Variants in TNFSF12 observed in about 807,000 individuals in gnomAD.
The protein encoded by TNFSF12 is TNF superfamily member 12.
TNFSF12 carries 16 observed loss-of-function variants against 31.2 expected under a neutral mutation model. The observed-to-expected ratio is 0.51, with a 90% CI of 0.35 to 0.78. The LOEUF (loss-of-function observed/expected upper bound fraction) is 0.78. Among genes scored for constraint, TNFSF12 ranks in the 30% least tolerant of loss-of-function variants. The pLI, the probability that TNFSF12 is intolerant of heterozygous loss-of-function variation, is 0.01. For missense variants in TNFSF12, 324 were observed against 338.8 expected (o/e 0.96, Z 0.34); for synonymous variants, 150 against 151.4 (o/e 0.99, Z 0.07).
intron 5 of TNFSF12, among the ~76,000 whole-genome samples, chr17:7,554,839 G>A (rs891726786): frequency 2.0e-5 from 3 of 150,970 alleles, no homozygotes; most frequent in Non-Finnish European, 1.5e-5. Flanking sequence ...GGAGCGTCTC[G>A]ATCTCCTGAC....
At position 7,556,835 on chromosome 17, in the gene TNFSF12, T is replaced by C; in HGVS notation, c.431T>C (p.Leu144Pro). 6.4e-7 allele frequency: 1 copy of C among 1,564,150 alleles called. No homozygotes were observed. The highest frequency in any genetic ancestry group is 8.7e-7 in the Non-Finnish European group (1 of 1,151,464). The change falls in exon 6 of 7, where the codon CTG becomes CCG. Residue 144 changes from leucine (L) to proline (P), a missense_variant. Coordinates refer to ENST00000293825, the MANE Select transcript of TNFSF12 (RefSeq NM_003809.3). The part of the protein sequence containing the change: ...EEARINSSSP[L>P]RYNRQIGEFI... ...GCCAGAATCAACAGCTCCAGCCCTC[T>C]GCGCTACAACCGCCAGATCGGGGAG...
chr17:7,553,649 C>T, intron 5 of TNFSF12: 1 of 1,304,136 alleles, frequency 7.7e-7, no homozygotes, highest in South Asian at 1.2e-5. Context: ...AGATTTGAAC[C>T]CAGCTAGAAT....
At chr17:7,555,583 G>A (rs923831354) in intron 5 of TNFSF12, among the ~76,000 whole-genome samples, 1 of 152,210 alleles carries the variant, frequency 6.6e-6, no homozygotes, top group Non-Finnish European at 1.5e-5. Context: ...GTGGCTTTGT[G>A]TAGGGAATAA....
chr17:7,551,095 A>G (rs1424010718), intron 5 of TNFSF12, 117 bp downstream of exon 5: 2 of 1,549,078 alleles, frequency 1.3e-6, no homozygotes, highest in Admixed American at 3.9e-5. Flanking sequence ...CCAGTTCATG[A>G]AGGTCTTGGT....
Position 7,550,990 on chromosome 17 carries a change from T to TC in TNFSF12, c.373+17dup. On this transcript the variant is annotated intron_variant, in intron 5 of 6. Coordinates refer to ENST00000293825, the MANE Select transcript of TNFSF12 (RefSeq NM_003809.3). This position sits in a 1 kb window ranked among gnomAD's most constrained non-coding sequence, Gnocchi z 4.4. ...CGGAGCGCAGGCAGGTGAGACCCCA[T>TC]CCCCCGACACAGCACTGGCCTCCTG... 1.9e-6 allele frequency: 3 copies of TC among 1,613,096 alleles called. No individual in the cohort carries two copies. The highest frequency in any genetic ancestry group is 2.5e-6 in the Non-Finnish European group (3 of 1,179,920).
chr17:7,553,023 C>CTTTTTTTTTTT (rs71159509), intron 5 of TNFSF12, among the ~76,000 whole-genome samples: 18 of 66,100 alleles, frequency 2.7e-4, no homozygotes, highest in African/African-American at 5.1e-4. Flanking sequence ...CAGGGACAAC[C>CTTTTTTTTTTT]TTTTTTTTTT....
Position 7,549,318 on chromosome 17 carries a change from G to A in TNFSF12, c.159+6G>A. 7.1e-7 allele frequency: 1 copy of A among 1,398,784 alleles called. No homozygotes were observed. The highest frequency in any genetic ancestry group is 9.3e-7 in the Non-Finnish European group (1 of 1,074,284). 86.6% of individuals were successfully genotyped at this position (1,398,784 alleles called of 1,614,324 possible). ...GGGCATCGCTGTCCGCCCAGGTGAGGCCCCGCTGCGCACCCCTTCTTGGGC... is the reference window on the plus strand; with the variant it reads ...GGGCATCGCTGTCCGCCCAGGTGAGACCCCGCTGCGCACCCCTTCTTGGGC... On this transcript the variant is annotated splice_donor_region_variant and intron_variant, in intron 1 of 6. Transcript: ENST00000293825. The surrounding 1 kb of genome is among the most constrained non-coding windows in gnomAD (Gnocchi z 4.1).
rs1287036423 is a variant in TNFSF12 at position 7,557,227 on chromosome 17, C to T, written c.627C>T (p.Leu209=). 2 of 1,612,386 alleles carry T rather than the reference C, an allele frequency of 1.2e-6. No individual in the cohort carries two copies. Among genetic ancestry groups the T allele is most frequent in the South Asian group, 1.1e-5 (1 of 91,020 alleles). The part of the protein sequence containing the change: ...AASSLGPQLR[L]CQVSGLLALR... ...GTTCCCTCGGGCCCCAGCTCCGCCT[C>T]TGCCAGGTGTCTGGGCTGTTGGCCC... The change falls in exon 7 of 7, where the codon CTC becomes CTT. Residue 209 remains leucine, a synonymous_variant. Transcript: ENST00000293825. This position sits in a 1 kb window ranked among gnomAD's most constrained non-coding sequence, Gnocchi z 5.2.
rs752750483 is a variant in TNFSF12, at chr17:7,557,387, G to A, written c.*37G>A. On this transcript the variant is annotated 3_prime_UTR_variant, in exon 7 of 7. Coordinates refer to ENST00000293825, the MANE Select transcript of TNFSF12 (RefSeq NM_003809.3). This position sits in a 1 kb window ranked among gnomAD's most constrained non-coding sequence, Gnocchi z 5.2. ...CTCCCCGCAGTCGTCCCAGGCTGCC[G>A]GCTCCCCTCGACAGCTCTCTGGGCA... is the stretch of plus-strand genomic sequence containing the variant. The A allele has an allele frequency of 5.5e-5, 85 of 1,545,180 alleles. No individual in the cohort carries two copies. Among genetic ancestry groups the A allele is most frequent in the East Asian group, 3.2e-4 (14 of 44,132 alleles).
rs1555564686 is a variant in TNFSF12, at chr17:7,555,973, G to GTTTTTTGTTT, written c.374-799_374-798insGTTTTTTTTT. On this transcript the variant is annotated intron_variant, in intron 5 of 6. Transcript: ENST00000293825. ...GTGGAAATAAAAATGCCCAGTGAGC[G>GTTTTTTGTTT]TTTTTTTTGTTTTTTTTTTTTTTTG... 2.3e-3 allele frequency among the ~76,000 whole-genome samples: 165 copies of GTTTTTTGTTT among 70,876 alleles called. 32 individuals are homozygous for GTTTTTTGTTT. Among genetic ancestry groups the GTTTTTTGTTT allele is most frequent in the East Asian group, 3.9e-3 (9 of 2,292 alleles). 46.5% of individuals were successfully genotyped at this position (70,876 alleles called of 152,430 possible).
intron 5 of TNFSF12, among the ~76,000 whole-genome samples, chr17:7,551,872 C>T (rs2071004834): frequency 6.6e-6 from 1 of 152,204 alleles, no homozygotes; most frequent in Non-Finnish European, 1.5e-5. Flanking sequence ...ACTGCAACCT[C>T]TGCCTCCCAG....
chr17:7,551,947 G>A (rs898116215), intron 5 of TNFSF12, among the ~76,000 whole-genome samples: 2 of 151,930 alleles, frequency 1.3e-5, no homozygotes, highest in African/African-American at 4.8e-5. Flanking sequence ...CACCACGCCT[G>A]GCTAATTTTT....
At position 7,556,947 on chromosome 17, in the gene TNFSF12, G is replaced by A. The variant is rs200696093; in HGVS notation, c.498+45G>A. ...ATGGGTAACGCAGTAAGAGAGTGGCGAAGGGTTTGCCAGGAGAGTGGGGGA... is the reference window on the plus strand; with the variant it reads ...ATGGGTAACGCAGTAAGAGAGTGGCAAAGGGTTTGCCAGGAGAGTGGGGGA... On this transcript the variant is annotated intron_variant, in intron 6 of 6. Transcript: ENST00000293825. 18 of 1,507,702 alleles carry A rather than the reference G, an allele frequency of 1.2e-5. No homozygotes were observed. In the South Asian group the frequency reaches 1.7e-4, roughly 14 times the overall value. 93.4% of individuals were successfully genotyped at this position (1,507,702 alleles called of 1,614,324 possible).
At position 7,557,510 on chromosome 17, in the gene TNFSF12, A is replaced by G. The variant is rs564685289; in HGVS notation, c.*160A>G. The G allele has an allele frequency of 5.4e-5, 53 of 981,404 alleles. 1 individual carries two copies. In the South Asian group the frequency reaches 9.0e-4, roughly 17 times the overall value. The allele number at this position is 981,404 out of a possible 1,614,324, so 60.8% of individuals were successfully genotyped here. A position where few individuals can be genotyped will look rare whatever the true frequency, so the allele number is the denominator to read the frequency against. On this transcript the variant is annotated 3_prime_UTR_variant, in exon 7 of 7. Coordinates refer to ENST00000293825, the MANE Select transcript of TNFSF12 (RefSeq NM_003809.3). This position sits in a 1 kb window ranked among gnomAD's most constrained non-coding sequence, Gnocchi z 5.2. ...CCTGTTCACGTGTTTTCCATCCCAC[A>G]TAAATACAGTATTCCCACTCTTATC...
Position 7,550,314 on chromosome 17 carries a change from A to T in TNFSF12, c.283+119A>T. 1 of 1,478,670 alleles carries T rather than the reference A, an allele frequency of 6.8e-7. No individual in the cohort carries two copies. Among genetic ancestry groups the T allele is most frequent in the East Asian group, 2.3e-5 (1 of 43,360 alleles). The allele number at this position is 1,478,670 out of a possible 1,614,324, so 91.6% of individuals were successfully genotyped here. On this transcript the variant is annotated intron_variant, in intron 3 of 6. Coordinates refer to ENST00000293825, the MANE Select transcript of TNFSF12 (RefSeq NM_003809.3). This position sits in a 1 kb window ranked among gnomAD's most constrained non-coding sequence, Gnocchi z 4.4. ...AGAGTCATGCAGCTAACCAGCCAAG[A>T]CTCAAACCTAGGGATTCTCGCCCTC...
Position 7,549,455 on chromosome 17 carries a change from G to A in TNFSF12, c.160-19G>A, listed in dbSNP as rs137994694. ...GTCAGGTGGAGCGGCACAGGGTGAC[G>A]CTCCCTCCTTCCCAGCAGGAGCCTG... is the stretch of plus-strand genomic sequence containing the variant. On this transcript the variant is annotated intron_variant, in intron 1 of 6. Coordinates refer to ENST00000293825, the MANE Select transcript of TNFSF12 (RefSeq NM_003809.3). This position sits in a 1 kb window ranked among gnomAD's most constrained non-coding sequence, Gnocchi z 4.1. 2,049 of 1,502,922 alleles carry A rather than the reference G, an allele frequency of 1.4e-3. 20 individuals are homozygous for A. In the South Asian group the frequency reaches 0.014, roughly 10 times the overall value. The allele number at this position is 1,502,922 out of a possible 1,614,324, so 93.1% of individuals were successfully genotyped here.
At chr17:7,552,529 G>A (rs545389557) in intron 5 of TNFSF12, among the ~76,000 whole-genome samples, 6 of 151,874 alleles carry the variant, frequency 4.0e-5, no homozygotes, top group South Asian at 4.2e-4. Context: ...GGGTTTCACC[G>A]TGTTGGCCAG....
chr17:7,550,886 G>C lies in TNFSF12; in HGVS notation c.337+34G>C. The C allele has an allele frequency of 6.2e-7, 1 of 1,613,914 alleles. No individual in the cohort carries two copies. The highest frequency in any genetic ancestry group is 8.5e-7 in the Non-Finnish European group (1 of 1,179,884). Reference sequence around the variant, plus strand: ...TGGGTGAGCCATACCCAGGAGGAGAGGGGCAGGTGGCAGAGGGTCAGGGCA... The same window carrying C: ...TGGGTGAGCCATACCCAGGAGGAGACGGGCAGGTGGCAGAGGGTCAGGGCA... On this transcript the variant is annotated intron_variant, in intron 4 of 6. Transcript: ENST00000293825. This position sits in a 1 kb window ranked among gnomAD's most constrained non-coding sequence, Gnocchi z 4.4.
At chr17:7,551,059 G>T in intron 5 of TNFSF12, 81 bp downstream of exon 5, 1 of 1,601,926 alleles carries the variant, frequency 6.2e-7, no homozygotes, top group Non-Finnish European at 8.5e-7. Context: ...CTCCCTTCCC[G>T]GCCATCAGTC....
Sources: gnomAD v4.1 joint callset for allele counts (sites outside exome capture counted in the v4.1 genomes callset) on GRCh38, gnomAD v4.1.1 for gene constraint, Gnocchi (gnomAD v3.1) non-coding constraint, MANE v1.5 for transcripts, NCBI Gene and HGNC (gene_info 2026-07-23, HGNC 2026-07-21) for gene names.